RAB2B: variants seen among roughly 807,000 people sequenced by gnomAD.
RAB2B encodes RAB2B, member RAS oncogene family.
A neutral mutation model predicts 29.8 loss-of-function variants in RAB2B; 20 were observed. That is an observed-to-expected ratio of 0.67 (90% CI 0.47 to 0.97). The LOEUF is 0.97. RAB2B is among the 50% of genes least tolerant of loss of function. RAB2B has a pLI of 0.00. For missense variants in RAB2B, 218 were observed against 272.0 expected, an observed-to-expected ratio of 0.80 and a Z score of 1.40; for synonymous variants, 93 against 91.7, an observed-to-expected ratio of 1.01 and a Z score of -0.08.
chr14:21,463,688 T>A lies in RAB2B; in HGVS notation c.442A>T (p.Thr148Ser). The A allele has an allele frequency of 6.2e-7, 1 of 1,614,042 alleles. No homozygotes were observed. The highest frequency in any genetic ancestry group is 8.5e-7 in the Non-Finnish European group (1 of 1,179,906). ...ACATTGCAGGCTGTTTTGGCTGAAG[T>A]TTCCATGAATATAAGTCCATGCTCC... ...AREHGLIFME[T>S]SAKTACNVEE... Residue 148 changes from threonine to serine, a missense_variant, in exon 6 of 8, where the codon ACT becomes TCT. Thr to Ser is a moderately conservative substitution (Grantham distance 58). Coordinates refer to ENST00000397762, the MANE Select transcript of RAB2B (RefSeq NM_032846.4).
intron 3 of RAB2B, chr14:21,474,553 T>C (rs1019719974): frequency 6.8e-6 from 2 of 293,344 alleles, no homozygotes; most frequent in African/African-American, 4.4e-5. Context: ...ATTTCCCTGC[T>C]AGAGTACCAA....
At chr14:21,462,319 G>T in intron 7 of RAB2B, 31 bp downstream of exon 7, 1 of 1,600,658 alleles carries the variant, frequency 6.2e-7, no homozygotes, top group Non-Finnish European at 8.5e-7. Context: ...ACAAGCCAAA[G>T]TTAACTGCCA....
At chr14:21,475,943 G>A (rs548384588) in intron 2 of RAB2B, among the ~76,000 whole-genome samples, 7 of 152,334 alleles carry the variant, frequency 4.6e-5, no homozygotes, top group South Asian at 4.1e-4. Context: ...CTGGGGTTAC[G>A]GAGATAACGA....
chr14:21,476,639 G>A (rs962332110), intron 1 of RAB2B, 40 bp from the exon 2 acceptor site: 6 of 1,613,582 alleles, frequency 3.7e-6, no homozygotes, highest in East Asian at 2.2e-5. Context: ...CGCAGCCCTG[G>A]AACACCTTCC....
rs1594403889 is a variant in RAB2B at position 21,459,631 on chromosome 14, A to G, written c.*1565T>C. 1 of 152,432 alleles carries G rather than the reference A, an allele frequency of 6.6e-6. No homozygotes were observed. The highest frequency in any genetic ancestry group is 2.4e-5 in the African/African-American group (1 of 41,598). 9.4% of individuals were successfully genotyped at this position (152,432 alleles called of 1,614,324 possible). A position where few individuals can be genotyped will look rare whatever the true frequency, so the allele number is the denominator to read the frequency against. Reference sequence around the variant, plus strand: ...AAACCATATTTACATAGTAACATACATAAAAATAAATATACATATAAATAG... The same window carrying G: ...AAACCATATTTACATAGTAACATACGTAAAAATAAATATACATATAAATAG... On this transcript the variant is annotated 3_prime_UTR_variant, in exon 8 of 8. Coordinates refer to ENST00000397762, the MANE Select transcript of RAB2B (RefSeq NM_032846.4).
chr14:21,461,653 T>C (rs148832011), intron 7 of RAB2B, among the ~76,000 whole-genome samples: 3 of 152,110 alleles, frequency 2.0e-5, no homozygotes, highest in African/African-American at 7.2e-5. Flanking sequence ...GTATGATCAG[T>C]GTGCACTATA....
At chr14:21,468,892 A>T (rs897399333) in intron 3 of RAB2B, 140 bp from the exon 4 acceptor site, 8 of 466,680 alleles carry the variant, frequency 1.7e-5, no homozygotes, top group African/African-American at 1.2e-4. Context: ...TAGGGAAAGA[A>T]AACATGCCTG....
intron 4 of RAB2B, 83 bp downstream of exon 4, chr14:21,468,587 A>C: frequency 7.6e-7 from 1 of 1,308,276 alleles, no homozygotes; most frequent in Non-Finnish European, 1.1e-6. Context: ...AACATCCTTA[A>C]CAGAATCAGT....
chr14:21,475,000 T>C lies in RAB2B; in HGVS notation c.119-66A>G, dbSNP rs934116157. On this transcript the variant is annotated intron_variant, in intron 2 of 7. Coordinates refer to ENST00000397762, the MANE Select transcript of RAB2B (RefSeq NM_032846.4). Reference sequence around the variant, plus strand: ...ACAGCAGCCACGTGGAGTGGGAGGTTCCTGCCTTTCCTCAATGTGTTATAA... The same window carrying C: ...ACAGCAGCCACGTGGAGTGGGAGGTCCCTGCCTTTCCTCAATGTGTTATAA... 3.1e-5 allele frequency: 39 copies of C among 1,257,580 alleles called. No individual in the cohort carries two copies. The Admixed American group carries it at 4.4e-4, about 14-fold the overall frequency. The allele number at this position is 1,257,580 out of a possible 1,614,324, so 77.9% of individuals were successfully genotyped here. A position where few individuals can be genotyped will look rare whatever the true frequency, so the allele number is the denominator to read the frequency against.
chr14:21,468,782 C>A (rs1301283816), intron 3 of RAB2B, 30 bp from the exon 4 acceptor site: 2 of 1,446,904 alleles, frequency 1.4e-6, no homozygotes, highest in Non-Finnish European at 9.3e-7. Context: ...ACAAAAAATC[C>A]CAACAAAACC....
intron 5 of RAB2B, among the ~76,000 whole-genome samples, chr14:21,467,957 AAAG>A (rs1345453725): frequency 1.3e-5 from 2 of 152,254 alleles, no homozygotes; most frequent in Non-Finnish European, 2.9e-5. Flanking sequence ...GCCAGTCACA[AAAG>A]CACAAATATT....
intron 3 of RAB2B, among the ~76,000 whole-genome samples, 182 bp from the exon 4 acceptor site, chr14:21,468,934 T>C (rs1221863204): frequency 6.6e-6 from 1 of 151,530 alleles, no homozygotes; most frequent in Non-Finnish European, 1.5e-5. Context: ...GAAATCAATA[T>C]TTTTCTATGG....
chr14:21,471,376 G>A (rs1890809631), intron 3 of RAB2B, among the ~76,000 whole-genome samples: 1 of 151,904 alleles, frequency 6.6e-6, no homozygotes, highest in African/African-American at 2.4e-5. Flanking sequence ...CAGCACTTTG[G>A]GAGGCCAAGG....
intron 7 of RAB2B, 24 bp from the exon 8 acceptor site, chr14:21,461,327 T>C (rs371539903): frequency 7.8e-6 from 12 of 1,547,142 alleles, no homozygotes; most frequent in Non-Finnish European, 1.1e-5. Context: ...GAGGCAATAG[T>C]TCCCACCTCA....
In RAB2B at chr14:21,463,667, T is replaced by C. The variant is rs767194602; in HGVS notation, c.463A>G (p.Asn155Asp). ...TTTCCAAATAGTACCTCTTCAACATTGCAGGCTGTTTTGGCTGAAGTTTCC... is the reference window on the plus strand; with the variant it reads ...TTTCCAAATAGTACCTCTTCAACATCGCAGGCTGTTTTGGCTGAAGTTTCC... Reference protein sequence around the residue: ...FMETSAKTACNVEEAFINTAK... With the variant: ...FMETSAKTACDVEEAFINTAK... The change falls in exon 6 of 8, where the codon AAT (asparagine) becomes GAT (aspartate). Residue 155 changes from asparagine to aspartate, a missense_variant. Coordinates refer to ENST00000397762, the MANE Select transcript of RAB2B (RefSeq NM_032846.4). The C allele has an allele frequency of 6.2e-7, 1 of 1,610,754 alleles. No homozygotes were observed. The highest frequency in any genetic ancestry group is 8.5e-7 in the Non-Finnish European group (1 of 1,176,946).
At chr14:21,473,901 A>C (rs935361387) in intron 3 of RAB2B, among the ~76,000 whole-genome samples, 2 of 152,136 alleles carry the variant, frequency 1.3e-5, no homozygotes, top group Admixed American at 1.3e-4. Context: ...AGTCCCAGCT[A>C]TTCGGGAGGC....
At chr14:21,474,956 A>C (rs1211031858) in intron 2 of RAB2B, 22 bp from the exon 3 acceptor site, 1 of 1,609,320 alleles carries the variant, frequency 6.2e-7, no homozygotes, top group African/African-American at 1.3e-5. Flanking sequence ...GACCGAGAGA[A>C]AGAATGTGAT....
At chr14:21,472,941 C>A (rs1362873136) in intron 3 of RAB2B, among the ~76,000 whole-genome samples, 2 of 152,126 alleles carry the variant, frequency 1.3e-5, no homozygotes, top group African/African-American at 4.8e-5. Context: ...CCTGTAATCC[C>A]AACACTTTGG....
chr14:21,472,145 A>C (rs915685709), intron 3 of RAB2B, among the ~76,000 whole-genome samples: 3 of 152,228 alleles, frequency 2.0e-5, no homozygotes, highest in Non-Finnish European at 4.4e-5. Flanking sequence ...TTAAGGAAAA[A>C]AAAATTTTAA....
Sources: allele counts gnomAD v4.1 joint callset (sites outside exome capture counted in the v4.1 genomes callset), GRCh38; gene constraint gnomAD v4.1.1; transcripts MANE v1.5; gene names NCBI Gene and HGNC (gene_info 2026-07-23, HGNC 2026-07-21).